FBXO41: variants seen among roughly 807,000 people sequenced by gnomAD.
FBXO41 encodes F-box protein 41.
FBXO41 carries 33 observed loss-of-function variants against 81.6 expected under a neutral mutation model. That is an observed-to-expected ratio of 0.40 (90% CI 0.31 to 0.54). The LOEUF (loss-of-function observed/expected upper bound fraction) is 0.54. Ranked by LOEUF, FBXO41 falls within the 20% of genes least tolerant of loss-of-function variation. FBXO41 has a pLI of 0.39. For missense variants in FBXO41, 1,107 were observed against 1,236.0 expected (o/e 0.90, Z 1.56); for synonymous variants, 576 against 552.7 (o/e 1.04, Z -0.59).
At chr2:73,263,653 C>G (rs1688105884) in intron 8 of FBXO41, 25 bp downstream of exon 8, 1 of 1,611,472 alleles carries the variant, frequency 6.2e-7, no homozygotes. Flanking sequence ...AGGGAACAGG[C>G]CATGCTTCTA....
intron 1 of FBXO41, among the ~76,000 whole-genome samples, chr2:73,276,720 CA>C (rs775664016): frequency 6.6e-6 from 1 of 151,668 alleles, no homozygotes; most frequent in Non-Finnish European, 1.5e-5. Context: ...AACTCTTGGC[CA>C]AAATTTTTGA....
In FBXO41 at chr2:73,266,378, A is replaced by T. The variant is rs1322207808; in HGVS notation, c.1131+79T>A. 7.9e-6 allele frequency: 11 copies of T among 1,390,714 alleles called. No individual in the cohort carries two copies. The highest frequency in any genetic ancestry group is 9.5e-6 in the Non-Finnish European group (10 of 1,050,184). The allele number at this position is 1,390,714 out of a possible 1,614,324, so 86.1% of individuals were successfully genotyped here. ...AGGGGCGAATGCGGCATCATGGGGG[A>T]GATGTCCAGCCATGTGAAAGGTGAG... On this transcript the variant is annotated intron_variant, in intron 3 of 12. Coordinates refer to ENST00000520530, the MANE Select transcript of FBXO41 (RefSeq NM_001371389.2). The surrounding 1 kb of genome is among the most constrained non-coding windows in gnomAD (Gnocchi z 5.3).
chr2:73,264,575 A>C (rs1255412351), intron 5 of FBXO41, 56 bp from the exon 6 acceptor site: 3 of 1,602,678 alleles, frequency 1.9e-6, no homozygotes, highest in Non-Finnish European at 2.6e-6. Context: ...TGGTGTGGGG[A>C]TGTGTGTGGG....
chr2:73,275,474 C>T (rs1039729914), intron 1 of FBXO41, among the ~76,000 whole-genome samples: 16 of 152,206 alleles, frequency 1.1e-4, no homozygotes, highest in African/African-American at 3.4e-4. Flanking sequence ...TGAGCCACCA[C>T]GCCTGGCCCA....
Position 73,260,569 on chromosome 2 carries a change from A to G in FBXO41, c.2291-22T>C. 6.4e-7 allele frequency: 1 copy of G among 1,571,480 alleles called. No individual in the cohort carries two copies. Among genetic ancestry groups the G allele is most frequent in the East Asian group, 2.4e-5 (1 of 42,222 alleles). On this transcript the variant is annotated intron_variant, in intron 10 of 12. Transcript: ENST00000520530. The surrounding 1 kb of genome is among the most constrained non-coding windows in gnomAD (Gnocchi z 5.0). ...CTCGCTAGGAAGAGGAAGAAGGGGG[A>G]TCCTGCTGACACACTCCCCAGGTCA...
At position 73,266,250 on chromosome 2, in the gene FBXO41, G is replaced by T. The variant is rs577082138; in HGVS notation, c.1131+207C>A. 2.0e-5 allele frequency among the ~76,000 whole-genome samples: 3 copies of T among 152,152 alleles called. No homozygotes were observed. Among genetic ancestry groups the T allele is most frequent in the Admixed American group, 1.3e-4 (2 of 15,278 alleles). ...ATAGCCCCCGAGGGCTGGGGCCACC[G>T]AATCACATCTCACTACAGCCTCGGG... On this transcript the variant is annotated intron_variant, in intron 3 of 12. Transcript: ENST00000520530. This position sits in a 1 kb window ranked among gnomAD's most constrained non-coding sequence, Gnocchi z 5.3.
In FBXO41 at chr2:73,259,255, T is replaced by A. The variant is rs1404778180; in HGVS notation, c.2491A>T (p.Ile831Phe). The change falls in exon 12 of 13, where the codon ATT becomes TTT. Residue 831 changes from isoleucine (I) to phenylalanine (F), a missense_variant. Ile to Phe is a conservative substitution (Grantham distance 21, BLOSUM62 0). Transcript: ENST00000520530. This position sits in a 1 kb window ranked among gnomAD's most constrained non-coding sequence, Gnocchi z 4.2. ...CTGGGCTCTTTGAAATAATCCGCAA[T>A]CCCAATCTGGACCACAATGGACTTG... ...NLKSIVVQIG[I>F]ADYFKEPSSP... The A allele has an allele frequency of 1.7e-5, 28 of 1,613,880 alleles. No homozygotes were observed. The highest frequency in any genetic ancestry group is 2.4e-5 in the Non-Finnish European group (28 of 1,179,864).
rs1430092282 is a variant in FBXO41 at position 73,263,625 on chromosome 2, G to A, written c.2075+53C>T. On this transcript the variant is annotated intron_variant, in intron 8 of 12. Transcript: ENST00000520530. ...AGGCTATGCAGCACCTAGGGATCCG[G>A]TAGGACCCTGGGCTTAGAGGGAACA... The A allele has an allele frequency of 2.5e-6, 4 of 1,602,710 alleles. No individual in the cohort carries two copies. In the Admixed American group the frequency reaches 5.0e-5, roughly 20 times the overall value.
chr2:73,263,175 T>A, intron 9 of FBXO41, 38 bp downstream of exon 9: 1 of 1,523,026 alleles, frequency 6.6e-7, no homozygotes, highest in Non-Finnish European at 8.9e-7. Flanking sequence ...GGCCCAACCG[T>A]GTCCCCCCTC....
rs768844602 is a variant in FBXO41 at position 73,264,043 on chromosome 2, A to G, written c.1817T>C (p.Met606Thr). 1 of 1,595,442 alleles carries G rather than the reference A, an allele frequency of 6.3e-7. No homozygotes were observed. Among genetic ancestry groups the G allele is most frequent in the Non-Finnish European group, 8.5e-7 (1 of 1,170,718 alleles). The change falls in exon 7 of 13, where the codon ATG becomes ACG. Residue 606 changes from methionine to threonine, a missense_variant. Met to Thr is a moderately conservative substitution (Grantham distance 81). Coordinates refer to ENST00000520530, the MANE Select transcript of FBXO41 (RefSeq NM_001371389.2). Reference sequence around the variant, plus strand: ...GGCCTGGGTGCACCACTGAGCCAGCATTGCCAGGAACTGTGGGGGAGGGGA... The same window carrying G: ...GGCCTGGGTGCACCACTGAGCCAGCGTTGCCAGGAACTGTGGGGGAGGGGA... ...NARVCSKFLAMLAQWCTQAHS... is the reference protein window; with the variant it reads ...NARVCSKFLATLAQWCTQAHS...
chr2:73,268,003 C>T (rs1688329656), intron 2 of FBXO41, among the ~76,000 whole-genome samples: 2 of 152,144 alleles, frequency 1.3e-5, no homozygotes, highest in African/African-American at 2.4e-5. Flanking sequence ...ATCTGTAGTT[C>T]ATAATCCTAC....
At chr2:73,272,014 CAG>C (rs1172697621) in intron 1 of FBXO41, among the ~76,000 whole-genome samples, 1 of 152,140 alleles carries the variant, frequency 6.6e-6, no homozygotes, top group Non-Finnish European at 1.5e-5. Flanking sequence ...AAATTAGAAT[CAG>C]AGATGGAAAT....
chr2:73,255,691 G>A lies in FBXO41; in HGVS notation c.*3291C>T, dbSNP rs1451578050. 30 of 152,666 alleles carry A rather than the reference G, an allele frequency of 2.0e-4. No individual in the cohort carries two copies. Among genetic ancestry groups the A allele is most frequent in the African/African-American group, 9.6e-5 (4 of 41,464 alleles). 9.5% of individuals were successfully genotyped at this position (152,666 alleles called of 1,614,324 possible). On this transcript the variant is annotated 3_prime_UTR_variant, in exon 13 of 13. Transcript: ENST00000520530. ...TAGCGCCTTAGAGGGATTGGGGCCC[G>A]GGTGACTCCCCACTGGTGGCCCCAA...
rs369510771 is a variant in FBXO41, at chr2:73,266,570, C to G, written c.1018G>C (p.Glu340Gln). 1 of 1,610,712 alleles carries G rather than the reference C, an allele frequency of 6.2e-7. No individual in the cohort carries two copies. The highest frequency in any genetic ancestry group is 1.1e-5 in the South Asian group (1 of 90,778). Residue 340 changes from glutamate to glutamine, a missense_variant, in exon 3 of 13, where the codon GAG (glutamate) becomes CAG (glutamine). Glu to Gln is a conservative substitution (Grantham distance 29). This residue lies in a region of FBXO41 where 771 missense variants were observed against 789.2 expected (regional missense o/e 0.98). Transcript: ENST00000520530. This position sits in a 1 kb window ranked among gnomAD's most constrained non-coding sequence, Gnocchi z 5.3. ...EELLERADRA[E>Q]RQLQVISSSC... The stretch of plus-strand genomic sequence containing the variant: ...CTGCTGATGACCTGCAGCTGCCGCT[C>G]GGCACGGTCAGCCCGCTCAAGGAGC...
chr2:73,258,374 C>T lies in FBXO41; in HGVS notation c.*608G>A, dbSNP rs1317914743. 6.6e-6 allele frequency: 1 copy of T among 152,314 alleles called. No individual in the cohort carries two copies. Among genetic ancestry groups the T allele is most frequent in the East Asian group, 1.9e-4 (1 of 5,196 alleles). 9.4% of individuals were successfully genotyped at this position (152,314 alleles called of 1,614,324 possible). On this transcript the variant is annotated 3_prime_UTR_variant, in exon 13 of 13. Transcript: ENST00000520530. Reference sequence around the variant, plus strand: ...GACTGTTTCCTTTCCAAACCCACCCCCACTACCCCACTGTACTGCTGCCCC... The same window carrying T: ...GACTGTTTCCTTTCCAAACCCACCCTCACTACCCCACTGTACTGCTGCCCC...
rs746153629 is a variant in FBXO41, at chr2:73,260,881, C to T, written c.2172-23G>A. 128 of 1,541,238 alleles carry T rather than the reference C, an allele frequency of 8.3e-5. No homozygotes were observed. Among genetic ancestry groups the T allele is most frequent in the Admixed American group, 2.8e-4 (14 of 50,440 alleles). Reference sequence around the variant, plus strand: ...TGGCTGGAGAATGGGAAGGGGGAGCCGTCAGGGAAGTCTCTGGATGCTTGA... The same window carrying T: ...TGGCTGGAGAATGGGAAGGGGGAGCTGTCAGGGAAGTCTCTGGATGCTTGA... On this transcript the variant is annotated intron_variant, in intron 9 of 12. Transcript: ENST00000520530. This position sits in a 1 kb window ranked among gnomAD's most constrained non-coding sequence, Gnocchi z 5.0.
chr2:73,268,900 T>C lies in FBXO41; in HGVS notation c.731A>G (p.Lys244Arg). Reference protein sequence around the residue: ...VGRLQAELERKAAELETARQE... With the variant: ...VGRLQAELERRAAELETARQE... ...CCGCGCAGTCTCCAGTTCGGCCGCC[T>C]TGCGCTCCAGCTCGGCCTGCAGCCG... The change falls in exon 2 of 13, where the codon AAG (lysine) becomes AGG (arginine). Residue 244 changes from lysine to arginine, a missense_variant. By Grantham distance (26) the Lys-to-Arg change is conservative (BLOSUM62 2). Transcript: ENST00000520530. 6.5e-7 allele frequency: 1 copy of C among 1,549,232 alleles called. No individual in the cohort carries two copies. The highest frequency in any genetic ancestry group is 8.7e-7 in the Non-Finnish European group (1 of 1,149,782).
At chr2:73,280,107 G>A (rs1688805232) in intron 1 of FBXO41, among the ~76,000 whole-genome samples, 1 of 143,006 alleles carries the variant, frequency 7.0e-6, no homozygotes, top group Non-Finnish European at 1.5e-5. Flanking sequence ...CCTGGATAGC[G>A]ACCCCCCCTG....
rs1239912088 is a variant in FBXO41, at chr2:73,260,845, G to C, written c.2185C>G (p.Arg729Gly). The change falls in exon 10 of 13, where the codon CGC (arginine) becomes GGC (glycine). Residue 729 changes from arginine to glycine, a missense_variant. Physicochemically the swap from Arg to Gly is moderately radical, Grantham distance 125. Coordinates refer to ENST00000520530, the MANE Select transcript of FBXO41 (RefSeq NM_001371389.2). This position sits in a 1 kb window ranked among gnomAD's most constrained non-coding sequence, Gnocchi z 5.0. ...ATCTGCAGGCAGCGGTTACTGAAGC[G>C]TGTGGGCTGCTGGCTGGAGAATGGG... ...APLHPCQQPT[R>G]FSNRCLQMIG... 1.9e-6 allele frequency: 3 copies of C among 1,563,022 alleles called. No individual in the cohort carries two copies. The highest frequency in any genetic ancestry group is 2.6e-6 in the Non-Finnish European group (3 of 1,152,554).
Sources: gnomAD v4.1 joint callset for allele counts (sites outside exome capture counted in the v4.1 genomes callset) on GRCh38, gnomAD v4.1.1 for gene constraint, gnomAD v4.1.1 regional missense constraint, Gnocchi (gnomAD v3.1) non-coding constraint, MANE v1.5 for transcripts, NCBI Gene and HGNC (gene_info 2026-07-23, HGNC 2026-07-21) for gene names.